NCALD: variants seen among roughly 807,000 people sequenced by gnomAD.
NCALD encodes neurocalcin delta, also known as neurocalcin-delta.
Under a neutral mutation model 18.6 loss-of-function variants are expected in NCALD, and 10 were observed. The ratio of observed to expected loss-of-function variants is 0.54; its 90% CI spans 0.33 to 0.91. The LOEUF is 0.91. NCALD is among the 40% of genes least tolerant of loss of function. NCALD has a pLI of 0.03. For missense variants in NCALD, 184 were observed against 247.6 expected (o/e 0.74, Z 1.72); for synonymous variants, 88 against 87.4 (o/e 1.01, Z -0.04).
intron 1 of NCALD, among the ~76,000 whole-genome samples, chr8:102,034,695 C>A (rs1822799306): frequency 6.6e-6 from 1 of 152,122 alleles, no homozygotes; most frequent in African/African-American, 2.4e-5. Flanking sequence ...CCTTCAATGG[C>A]AGTGGCAGTG....
At chr8:101,761,743 G>C (rs1331372542) in intron 1 of NCALD, among the ~76,000 whole-genome samples, 1 of 152,158 alleles carries the variant, frequency 6.6e-6, no homozygotes, top group Non-Finnish European at 1.5e-5. Context: ...AGCTGCGCAC[G>C]CAGCTACCCT....
intron 4 of NCALD, among the ~76,000 whole-genome samples, chr8:101,821,798 T>A (rs1813726356): frequency 6.9e-6 from 1 of 145,808 alleles, no homozygotes; most frequent in African/African-American, 2.6e-5. Flanking sequence ...GTAGCAGCAC[T>A]ACAAATTGGG....
At chr8:101,789,832 G>A (rs1812382128) in intron 1 of NCALD, among the ~76,000 whole-genome samples, 1 of 152,122 alleles carries the variant, frequency 6.6e-6, no homozygotes, top group Non-Finnish European at 1.5e-5. Flanking sequence ...AATTCAACCT[G>A]TATGTCATGA....
Position 101,786,510 on chromosome 8 carries a change from C to T in NCALD, c.-20+4352G>A, listed in dbSNP as rs142405835. Among the ~76,000 whole-genome samples, 604 of 152,212 alleles carry T rather than the reference C, an allele frequency of 4.0e-3. 7 individuals carry two copies. The highest frequency in any genetic ancestry group is 0.014 in the African/African-American group (563 of 41,536). ...TCTCCAACGATATTGTAAATATGGTCGTCACAAACCTGATCATGGTTTGAG... is the reference window on the plus strand; with the variant it reads ...TCTCCAACGATATTGTAAATATGGTTGTCACAAACCTGATCATGGTTTGAG... On this transcript the variant is annotated intron_variant, in intron 1 of 3. Coordinates refer to ENST00000220931, the MANE Select transcript of NCALD (RefSeq NM_032041.3).
intron 1 of NCALD, among the ~76,000 whole-genome samples, chr8:101,757,926 G>A (rs901947454): frequency 5.9e-5 from 9 of 152,090 alleles, no homozygotes; most frequent in African/African-American, 2.2e-4. Context: ...CAAGTAGCTA[G>A]GACTACAGTT....
chr8:101,708,313 A>G (rs1815627112), intron 2 of NCALD, among the ~76,000 whole-genome samples: 1 of 152,238 alleles, frequency 6.6e-6, no homozygotes, highest in African/African-American at 2.4e-5. Context: ...TAGAGAAGCT[A>G]GGGGTCCTAA....
intron 4 of NCALD, among the ~76,000 whole-genome samples, chr8:101,864,785 G>T (rs187042171): frequency 6.6e-6 from 1 of 151,768 alleles, no homozygotes; most frequent in Non-Finnish European, 1.5e-5. Flanking sequence ...TAGTAGAGAC[G>T]GGGTTTCACC....
Position 101,716,899 on chromosome 8 carries a change from T to A in NCALD, c.378+2353A>T. Among the ~76,000 whole-genome samples the A allele has an allele frequency of 1.3e-5, 2 of 152,094 alleles. 1 individual carries two copies. The highest frequency in any genetic ancestry group is 2.9e-5 in the Non-Finnish European group (2 of 68,004). On this transcript the variant is annotated intron_variant, in intron 2 of 3. Coordinates refer to ENST00000220931, the MANE Select transcript of NCALD (RefSeq NM_032041.3). Reference sequence around the variant, plus strand: ...TGCTGTTGCTGCCTTTGAAGATGGATGAAGAGGGCCATCGGCCAAGGAACT... The same window carrying A: ...TGCTGTTGCTGCCTTTGAAGATGGAAGAAGAGGGCCATCGGCCAAGGAACT...
intron 1 of NCALD, among the ~76,000 whole-genome samples, chr8:102,071,072 C>T (rs1469896029): frequency 1.3e-5 from 2 of 152,120 alleles, no homozygotes; most frequent in African/African-American, 4.8e-5. Context: ...GATCCATCTG[C>T]TCTGTGCTAT....
At chr8:101,729,914 A>C (rs111729183) in intron 1 of NCALD, among the ~76,000 whole-genome samples, 2,693 of 152,230 alleles carry the variant, frequency 0.018, 70 homozygotes, top group African/African-American at 0.061. Context: ...TAACAGCAAC[A>C]CTTTCCCCCT....
intron 4 of NCALD, among the ~76,000 whole-genome samples, chr8:101,842,669 T>G (rs1814693337): frequency 6.6e-6 from 1 of 152,230 alleles, no homozygotes; most frequent in Non-Finnish European, 1.5e-5. Context: ...TCCTCTTGTA[T>G]AGAAGCAAAA....
intron 3 of NCALD, among the ~76,000 whole-genome samples, chr8:101,900,026 A>G (rs73280885): frequency 0.068 from 10,283 of 151,960 alleles, 726 homozygotes; most frequent in African/African-American, 0.18. Context: ...GAGTTTCTAA[A>G]TTACTAATTC....
intron 4 of NCALD, among the ~76,000 whole-genome samples, chr8:101,813,924 T>C (rs1256160281): frequency 6.6e-6 from 1 of 152,108 alleles, no homozygotes; most frequent in Non-Finnish European, 1.5e-5. Context: ...GAAGATAATC[T>C]GGTGATTATA....
intron 1 of NCALD, among the ~76,000 whole-genome samples, chr8:102,048,071 T>G (rs987844390): frequency 3.9e-5 from 6 of 152,200 alleles, no homozygotes; most frequent in African/African-American, 1.4e-4. Flanking sequence ...GTCAGAAGAT[T>G]GATTAAAGCT....
At chr8:101,886,935 A>G (rs908666415) in intron 4 of NCALD, among the ~76,000 whole-genome samples, 1 of 152,174 alleles carries the variant, frequency 6.6e-6, no homozygotes, top group Non-Finnish European at 1.5e-5. Context: ...TTTTTTAATT[A>G]AAATGGGTGC....
intron 2 of NCALD, among the ~76,000 whole-genome samples, chr8:101,979,494 T>TAGC (rs1370379762): frequency 2.0e-5 from 3 of 152,164 alleles, no homozygotes; most frequent in Non-Finnish European, 2.9e-5. Context: ...TAGAGTCCTA[T>TAGC]AGCACTCTTG....
chr8:101,908,814 G>A (rs1173824268), intron 3 of NCALD, among the ~76,000 whole-genome samples: 1 of 152,094 alleles, frequency 6.6e-6, no homozygotes, highest in East Asian at 1.9e-4. Context: ...TAATGTGCAT[G>A]GGTTTATTAA....
At chr8:102,051,808 A>G (rs1823469329) in intron 1 of NCALD, among the ~76,000 whole-genome samples, 1 of 152,230 alleles carries the variant, frequency 6.6e-6, no homozygotes, top group African/African-American at 2.4e-5. Context: ...CCAAACTACA[A>G]TGTACCAAGT....
At chr8:101,692,080 A>G in intron 3 of NCALD, 1 of 973,180 alleles carries the variant, frequency 1.0e-6, no homozygotes, top group Non-Finnish European at 1.2e-6. Flanking sequence ...TGTTAGGCTA[A>G]TCCTAACAAC....
Sources: allele counts gnomAD v4.1 joint callset (sites outside exome capture counted in the v4.1 genomes callset), GRCh38; gene constraint gnomAD v4.1.1; transcripts MANE v1.5; gene names NCBI Gene and HGNC (gene_info 2026-07-23, HGNC 2026-07-21).